The following DISP1 variants were observed in gnomAD, a reference collection of about 807,000 sequenced individuals.
DISP1 encodes dispatched RND transporter family member 1, also known as protein dispatched homolog 1.
Under a neutral mutation model 37.3 loss-of-function variants are expected in DISP1, and 30 were observed. The ratio of observed to expected loss-of-function variants is 0.80; its 90% CI spans 0.60 to 1.09. The LOEUF (loss-of-function observed/expected upper bound fraction) is 1.09, where lower values mean the gene tolerates loss of function less well. Ranked by LOEUF, DISP1 falls within the 50% of genes least tolerant of loss-of-function variation. DISP1 has a pLI of 0.00. For missense variants in DISP1, 1,598 were observed against 1,879.5 expected, an observed-to-expected ratio of 0.85 and a Z score of 2.77; for synonymous variants, 634 against 690.2, an observed-to-expected ratio of 0.92 and a Z score of 1.28.
intron 2 of DISP1, among the ~76,000 whole-genome samples, chr1:222,941,168 C>G (rs762642805): frequency 1.3e-5 from 2 of 152,106 alleles, no homozygotes; most frequent in East Asian, 1.9e-4. Flanking sequence ...GTGCTCTTGC[C>G]GGTCAGTATA....
chr1:222,983,110 G>A lies in DISP1; in HGVS notation c.539+1G>A. On this transcript the variant is annotated splice_donor_variant, in intron 4 of 8. Coordinates refer to ENST00000675850, the MANE Select transcript of DISP1 (RefSeq NM_001377229.1). LOFTEE classifies it high-confidence loss of function. ...CCAGACCTTTCAAGTTGCCAAAAAG[G>A]TAAAGTAATCTGGGTCATCTTATTA... is the stretch of plus-strand genomic sequence containing the variant. The A allele has an allele frequency of 6.2e-7, 1 of 1,604,184 alleles. No individual in the cohort carries two copies. Among genetic ancestry groups the A allele is most frequent in the South Asian group, 1.1e-5 (1 of 90,604 alleles).
intron 8 of DISP1, among the ~76,000 whole-genome samples, chr1:222,997,186 G>A (rs1679137948): frequency 6.6e-6 from 1 of 152,060 alleles, no homozygotes; most frequent in Non-Finnish European, 1.5e-5. Flanking sequence ...TGAAATACAT[G>A]AAGGGAAAAC....
chr1:222,847,704 C>T (rs1667991294), intron 1 of DISP1, among the ~76,000 whole-genome samples: 2 of 152,026 alleles, frequency 1.3e-5, no homozygotes, highest in South Asian at 4.1e-4. Flanking sequence ...CAAGACACAC[C>T]AACCCCCACC....
In DISP1 at chr1:223,004,369, C is replaced by T; in HGVS notation, c.2972C>T (p.Ser991Leu). ...GGCACCCTCATTGCCATGGGGCTGT[C>T]AGTTGCTGTTGCATTTAGCGTGATG... ...SDGTLIAMGLSVAVAFSVMLL... is the reference protein window; with the variant it reads ...SDGTLIAMGLLVAVAFSVMLL... Residue 991 changes from serine to leucine, a missense_variant, in exon 9 of 9, where the codon TCA becomes TTA. Physicochemically the swap from Ser to Leu is moderately radical, Grantham distance 145. Transcript: ENST00000675850. This position sits in a 1 kb window ranked among gnomAD's most constrained non-coding sequence, Gnocchi z 4.9. 4 of 1,614,210 alleles carry T rather than the reference C, an allele frequency of 2.5e-6. No homozygotes were observed. The highest frequency in any genetic ancestry group is 2.5e-6 in the Non-Finnish European group (3 of 1,180,030).
intron 3 of DISP1, among the ~76,000 whole-genome samples, chr1:222,975,769 T>G (rs1677272362): frequency 6.6e-6 from 1 of 152,240 alleles, no homozygotes; most frequent in African/African-American, 2.4e-5. Flanking sequence ...TTCTCAAGTG[T>G]GAAGTGCCAA....
chr1:222,829,427 T>G (rs1407022715), intron 1 of DISP1, among the ~76,000 whole-genome samples: 1 of 151,328 alleles, frequency 6.6e-6, no homozygotes, highest in African/African-American at 2.4e-5. Context: ...TAACTTTACT[T>G]CATCAGTTCT....
chr1:222,825,619 G>T (rs1249121469), intron 1 of DISP1, among the ~76,000 whole-genome samples: 1 of 150,810 alleles, frequency 6.6e-6, no homozygotes, highest in East Asian at 2.0e-4. Context: ...TCGTGCCTCA[G>T]CCTCCTGAGT....
At chr1:222,818,917 T>C (rs1364111561) in intron 1 of DISP1, among the ~76,000 whole-genome samples, 5 of 152,236 alleles carry the variant, frequency 3.3e-5, no homozygotes, top group African/African-American at 1.2e-4. Flanking sequence ...TAAACTAATA[T>C]GTGGCGTGTA....
chr1:222,978,507 A>G (rs1397481939), intron 3 of DISP1, among the ~76,000 whole-genome samples: 3 of 152,224 alleles, frequency 2.0e-5, no homozygotes, highest in Admixed American at 6.5e-5. Flanking sequence ...TTTGCTGTAC[A>G]GAAGCTCTTT....
At chr1:222,943,479 A>G (rs1674534431) in intron 3 of DISP1, 147 bp downstream of exon 3, 1 of 1,068,408 alleles carries the variant, frequency 9.4e-7, no homozygotes, top group African/African-American at 1.6e-5. Context: ...GTGTGAAGCC[A>G]ACAAAAACGC....
chr1:222,890,941 G>C (rs1670905000), intron 1 of DISP1, among the ~76,000 whole-genome samples: 1 of 152,170 alleles, frequency 6.6e-6, no homozygotes, highest in African/African-American at 2.4e-5. Flanking sequence ...CTGGAGTAGG[G>C]ACCCACCCTA....
chr1:222,938,760 A>AAAAAAAAAAAAAAAAAAAAGGAAGG (rs1674158579), intron 2 of DISP1, among the ~76,000 whole-genome samples: 1 of 104,568 alleles, frequency 9.6e-6, no homozygotes. Context: ...AAAAAAAAAA[A>AAAAAAAAAAAAAAAAAAAAGGAAGG]AAGGAAGGAA....
chr1:222,909,080 C>T (rs758658380), intron 1 of DISP1, among the ~76,000 whole-genome samples: 2 of 152,024 alleles, frequency 1.3e-5, no homozygotes, highest in Non-Finnish European at 1.5e-5. Flanking sequence ...GATTCATGTT[C>T]ATTTCAGTTT....
intron 1 of DISP1, among the ~76,000 whole-genome samples, chr1:222,926,077 C>T (rs1673068477): frequency 6.6e-6 from 1 of 152,144 alleles, no homozygotes; most frequent in African/African-American, 2.4e-5. Flanking sequence ...CAGTCACTCC[C>T]CATCCTCTGT....
chr1:222,902,745 G>T (rs1171462311), intron 1 of DISP1, among the ~76,000 whole-genome samples: 1 of 151,976 alleles, frequency 6.6e-6, no homozygotes, highest in Non-Finnish European at 1.5e-5. Flanking sequence ...TCAAAACCAC[G>T]ATAAGATACC....
At chr1:222,947,177 T>A (rs1378415514) in intron 3 of DISP1, among the ~76,000 whole-genome samples, 2 of 152,194 alleles carry the variant, frequency 1.3e-5, no homozygotes, top group Admixed American at 1.3e-4. Flanking sequence ...ATTATAACTC[T>A]GCCTGCCCCT....
chr1:222,868,231 A>T (rs1483656853), intron 1 of DISP1, among the ~76,000 whole-genome samples: 1 of 151,834 alleles, frequency 6.6e-6, no homozygotes, highest in Admixed American at 6.6e-5. Flanking sequence ...AAAAAAAAAG[A>T]CTCAAGTAGC....
At chr1:222,832,780 C>T (rs1018020207) in intron 1 of DISP1, among the ~76,000 whole-genome samples, 12 of 152,104 alleles carry the variant, frequency 7.9e-5, no homozygotes, top group Non-Finnish European at 1.0e-4. Context: ...CCTGTAGTCC[C>T]AGCTACTTGG....
At chr1:222,940,764 C>T (rs1674322001) in intron 2 of DISP1, among the ~76,000 whole-genome samples, 1 of 152,154 alleles carries the variant, frequency 6.6e-6, no homozygotes, top group African/African-American at 2.4e-5. Flanking sequence ...CCAGCAGATT[C>T]CCATCAGCTG....
Sources: gnomAD v4.1 joint callset for allele counts (sites outside exome capture counted in the v4.1 genomes callset) on GRCh38, gnomAD v4.1.1 for gene constraint, Gnocchi (gnomAD v3.1) non-coding constraint, MANE v1.5 for transcripts, NCBI Gene and HGNC (gene_info 2026-07-23, HGNC 2026-07-21) for gene names.